CASK: variants seen among roughly 807,000 people sequenced by gnomAD.
CASK encodes peripheral plasma membrane protein CASK.
In CASK, 4 loss-of-function variants were observed where a neutral mutation model predicts 82.9. The ratio of observed to expected loss-of-function variants is 0.05; its 90% CI spans 0.02 to 0.11. The LOEUF (loss-of-function observed/expected upper bound fraction) is 0.11. CASK is among the 10% of genes least tolerant of loss of function. The probability of loss-of-function intolerance (pLI) is 1.00; values close to 1 mark genes in which losing one functional copy is unlikely to be tolerated. For missense variants in CASK, 358 were observed against 720.9 expected, an observed-to-expected ratio of 0.50 and a Z score of 5.76; for synonymous variants, 259 against 253.5, an observed-to-expected ratio of 1.02 and a Z score of -0.20.
intron 8 of CASK, among the ~76,000 whole-genome samples, chrX:41,654,289 T>C (rs906520732): frequency 2.7e-5 from 3 of 110,707 alleles, no homozygotes; most frequent in African/African-American, 9.9e-5. Context: ...AAGAAAACAG[T>C]GATGGGGTGA....
At chrX:41,743,536 T>C (rs2068631538) in intron 4 of CASK, 1 of 285,940 alleles carries the variant, frequency 3.5e-6, no homozygotes, top group African/African-American at 2.8e-5. Flanking sequence ...GCCCCAGCAG[T>C]ACAAAAACAC....
At chrX:41,916,576 T>C (rs1205179949) in intron 1 of CASK, among the ~76,000 whole-genome samples, 1 of 112,385 alleles carries the variant, frequency 8.9e-6, no homozygotes, top group Non-Finnish European at 1.9e-5. Context: ...TGCTCTGCAA[T>C]AGTTAACTCA....
intron 15 of CASK, among the ~76,000 whole-genome samples, chrX:41,574,670 C>T (rs2065462057): frequency 8.9e-6 from 1 of 111,857 alleles, no homozygotes; most frequent in Non-Finnish European, 1.9e-5. Flanking sequence ...CTTAAACCCA[C>T]TCTTTAGATT....
chrX:41,648,460 C>T (rs753173173), intron 8 of CASK, among the ~76,000 whole-genome samples: 44 of 111,244 alleles, frequency 4.0e-4, no homozygotes, highest in Non-Finnish European at 7.9e-4. Context: ...TACTTGATGT[C>T]TGTCACCCAC....
At chrX:41,632,987 G>A (rs2066494692) in intron 9 of CASK, among the ~76,000 whole-genome samples, 2 of 102,987 alleles carry the variant, frequency 1.9e-5, no homozygotes, top group Non-Finnish European at 4.0e-5. Context: ...AGGCTGCAGT[G>A]AGCCGAGATT....
rs1569376084 is a variant in CASK at position 41,660,509 on chromosome X, C to T, written c.761G>A (p.Arg254His). The change falls in exon 8 of 27, where the codon CGT (arginine) becomes CAT (histidine). Residue 254 changes from arginine (R) to histidine (H), a missense_variant. Coordinates refer to ENST00000378163, the MANE Select transcript of CASK (RefSeq NM_001367721.1). ...HISESAKDLV[R>H]RMLMLDPAER... ...AGCTGGATCCAGCATCAGCATGCGA[C>T]GTACTAGGTCTTTGGCACTTTCAGA... The T allele has an allele frequency of 2.5e-6, 3 of 1,207,137 alleles. No individual in the cohort carries two copies. Among genetic ancestry groups the T allele is most frequent in the Non-Finnish European group, 3.4e-6 (3 of 891,334 alleles).
At chrX:41,891,131 C>A (rs1174413638) in intron 1 of CASK, among the ~76,000 whole-genome samples, 1 of 110,014 alleles carries the variant, frequency 9.1e-6, no homozygotes, top group South Asian at 3.9e-4. Context: ...CTCAAGCGAT[C>A]TGCCCACCTC....
At chrX:41,654,119 C>G (rs943772585) in intron 8 of CASK, among the ~76,000 whole-genome samples, 1 of 111,999 alleles carries the variant, frequency 8.9e-6, no homozygotes, top group African/African-American at 3.3e-5. Context: ...ATTACTCTGG[C>G]TGTAGTAAAT....
chrX:41,810,057 C>T (rs758418063), intron 2 of CASK, among the ~76,000 whole-genome samples: 20 of 111,717 alleles, frequency 1.8e-4, no homozygotes, highest in African/African-American at 5.9e-4. Flanking sequence ...TAAAAAGAAA[C>T]GAACAAAGCC....
rs2064826858 is a variant in CASK, at chrX:41,532,972, G to A, written c.2317+1734C>T. 3.6e-5 allele frequency among the ~76,000 whole-genome samples: 4 copies of A among 110,638 alleles called. No individual in the cohort carries two copies. The South Asian group carries it at 1.6e-3, about 43-fold the overall frequency. On this transcript the variant is annotated intron_variant, in intron 24 of 26. Coordinates refer to ENST00000378163, the MANE Select transcript of CASK (RefSeq NM_001367721.1). ...ACTACAGGTGTGTGCCACCATGCCC[G>A]GCTAACTTTTGTATTTTTAGTAGAG...
intron 5 of CASK, among the ~76,000 whole-genome samples, chrX:41,683,842 T>C (rs1569394565): frequency 8.9e-6 from 1 of 112,001 alleles, no homozygotes; most frequent in Admixed American, 9.5e-5. Context: ...AGTTTTAAAA[T>C]AATAGTAATA....
intron 2 of CASK, among the ~76,000 whole-genome samples, chrX:41,810,548 A>G (rs1222376583): frequency 9.0e-6 from 1 of 111,438 alleles, no homozygotes; most frequent in Non-Finnish European, 1.9e-5. Context: ...AGATTTTGTC[A>G]CCACCAGGCC....
Position 41,595,224 on chromosome X carries a change from T to G in CASK, c.1156-5632A>C, listed in dbSNP as rs766543891. On this transcript the variant is annotated intron_variant, in intron 12 of 26. Transcript: ENST00000378163. ...TGCAGTTAAAAACTTTCCCTCAAAA[T>G]TAAGAAATGTGTTTTGACTATATTT... Among the ~76,000 whole-genome samples, 10 of 112,497 alleles carry G rather than the reference T, an allele frequency of 8.9e-5. No individual in the cohort carries two copies. The East Asian group carries it at 2.2e-3, about 25-fold the overall frequency.
intron 10 of CASK, among the ~76,000 whole-genome samples, chrX:41,625,462 A>AAAGT (rs1199963807): frequency 9.0e-6 from 1 of 111,084 alleles, no homozygotes; most frequent in Non-Finnish European, 1.9e-5. Flanking sequence ...CTGGGATTAC[A>AAAGT]GGCGTGAGCC....
At chrX:41,644,979 T>C (rs1005001045) in intron 8 of CASK, among the ~76,000 whole-genome samples, 2 of 111,841 alleles carry the variant, frequency 1.8e-5, no homozygotes, top group Non-Finnish European at 3.8e-5. Context: ...TAAATTCGCC[T>C]CAGTCCTGTG....
At chrX:41,573,455 A>G (rs1315592817) in intron 15 of CASK, among the ~76,000 whole-genome samples, 1 of 110,792 alleles carries the variant, frequency 9.0e-6, no homozygotes, top group Non-Finnish European at 1.9e-5. Flanking sequence ...TTAACCATGT[A>G]TTAGGCTGAC....
In CASK at chrX:41,524,014, A is replaced by G. The variant is rs777167069; in HGVS notation, c.2541T>C (p.Thr847=). The G allele has an allele frequency of 1.7e-6, 2 of 1,189,511 alleles. No homozygotes were observed. The highest frequency in any genetic ancestry group is 4.4e-5 in the Admixed American group (2 of 45,479). The stretch of plus-strand genomic sequence containing the variant: ...AAACAACAAAAGGAGCAAACTCTGC[A>G]GTTCTCAGGACCTTCAGTGCCTGTG... The part of the protein sequence containing the change: ...VEPQALKVLR[T]AEFAPFVVFI... The change falls in exon 26 of 27, where the codon ACT becomes ACC. Residue 847 remains threonine (T), a synonymous_variant. Coordinates refer to ENST00000378163, the MANE Select transcript of CASK (RefSeq NM_001367721.1).
chrX:41,829,081 C>G (rs963594037), intron 2 of CASK, among the ~76,000 whole-genome samples: 11 of 111,706 alleles, frequency 9.8e-5, no homozygotes, highest in African/African-American at 3.6e-4. Context: ...TTTAAATAGC[C>G]CAGACAGATC....
At chrX:41,684,468 A>G (rs1357168125) in intron 5 of CASK, among the ~76,000 whole-genome samples, 1 of 111,836 alleles carries the variant, frequency 8.9e-6, no homozygotes, top group Admixed American at 9.5e-5. Context: ...AAAGTGATTA[A>G]AGGAGACTAA....
Sources: gnomAD v4.1 joint callset for allele counts (sites outside exome capture counted in the v4.1 genomes callset) on GRCh38, gnomAD v4.1.1 for gene constraint, MANE v1.5 for transcripts, NCBI Gene and HGNC (gene_info 2026-07-23, HGNC 2026-07-21) for gene names.